The following EYA4 variants were observed in gnomAD, a reference collection of about 807,000 sequenced individuals.
EYA4 encodes EYA transcriptional coactivator and phosphatase 4.
EYA4 carries 31 observed loss-of-function variants against 87.9 expected under a neutral mutation model. That is an observed-to-expected ratio of 0.35 (90% confidence interval 0.27 to 0.48). EYA4 has a LOEUF of 0.48. EYA4 is among the 20% of genes least tolerant of loss of function. The probability of loss-of-function intolerance (pLI) is 0.99; values close to 1 mark genes in which losing one functional copy is unlikely to be tolerated. For missense variants in EYA4, 678 were observed against 761.4 expected (o/e 0.89, Z 1.29); for synonymous variants, 263 against 270.6 (o/e 0.97, Z 0.28).
intron 3 of EYA4, among the ~76,000 whole-genome samples, chr6:133,419,006 C>T (rs1201740507): frequency 6.6e-6 from 1 of 152,144 alleles, no homozygotes; most frequent in African/African-American, 2.4e-5. Flanking sequence ...AATATCCACT[C>T]ATAGGACATA....
At chr6:133,319,722 C>CTTTT (rs58829338) in intron 2 of EYA4, among the ~76,000 whole-genome samples, 1 of 143,310 alleles carries the variant, frequency 7.0e-6, no homozygotes, top group South Asian at 2.2e-4. Flanking sequence ...TTCTTTTCTT[C>CTTTT]TTTTTTTTTT....
chr6:133,339,736 G>A (rs1371304131), intron 2 of EYA4, among the ~76,000 whole-genome samples: 1 of 152,162 alleles, frequency 6.6e-6, no homozygotes, highest in Non-Finnish European at 1.5e-5. Flanking sequence ...TGTATTTAGA[G>A]AGGGACTATT....
intron 2 of EYA4, among the ~76,000 whole-genome samples, chr6:133,355,904 T>G (rs576936130): frequency 9.9e-5 from 15 of 152,224 alleles, no homozygotes; most frequent in Non-Finnish European, 1.6e-4. Context: ...TACCATAGAC[T>G]GGGTAGCTTA....
chr6:133,241,040 G>A (rs1218921978), upstream of EYA4, among the ~76,000 whole-genome samples: 1 of 152,004 alleles, frequency 6.6e-6, no homozygotes, highest in Non-Finnish European at 1.5e-5. Context: ...GGCCCGGGTG[G>A]GGGCGGGGTG....
rs185087175 is a variant in EYA4, at chr6:133,337,863, C to T, written c.34-44529C>T. ...CTGAGACTCAGACCACACACATTTA[C>T]GCTGCCGATGTCAGCACAGCATGTA... On this transcript the variant is annotated intron_variant, in intron 2 of 19. Coordinates refer to ENST00000355286, the MANE Select transcript of EYA4 (RefSeq NM_004100.5). Among the ~76,000 whole-genome samples the T allele has an allele frequency of 1.4e-4, 21 of 152,308 alleles. 1 individual carries two copies. In the South Asian group the frequency reaches 1.9e-3, roughly 14 times the overall value.
intron 2 of EYA4, among the ~76,000 whole-genome samples, chr6:133,303,897 G>A (rs1275950616): frequency 8.3e-6 from 1 of 121,116 alleles, no homozygotes; most frequent in African/African-American, 2.6e-5. Context: ...TTTAATATGA[G>A]ATTATTAGCT....
chr6:133,381,543 G>A (rs1254991833), intron 2 of EYA4, among the ~76,000 whole-genome samples: 1 of 152,022 alleles, frequency 6.6e-6, no homozygotes, highest in African/African-American at 2.4e-5. Context: ...AAACTCCTTG[G>A]ATTCCATAGG....
intron 3 of EYA4, among the ~76,000 whole-genome samples, chr6:133,418,813 T>A (rs572073470): frequency 6.6e-6 from 1 of 151,868 alleles, no homozygotes; most frequent in Non-Finnish European, 1.5e-5. Flanking sequence ...GAATACTGTA[T>A]ATTTCTTTTT....
At chr6:133,253,195 G>A (rs767652131) in intron 1 of EYA4, among the ~76,000 whole-genome samples, 1 of 152,090 alleles carries the variant, frequency 6.6e-6, no homozygotes, top group Non-Finnish European at 1.5e-5. Flanking sequence ...GGCCGTTCTC[G>A]GGGAGTGTTG....
chr6:133,391,488 C>T (rs1787293338), intron 3 of EYA4, among the ~76,000 whole-genome samples: 1 of 152,060 alleles, frequency 6.6e-6, no homozygotes, highest in Admixed American at 6.5e-5. Context: ...CATCTCTGTC[C>T]CCTTTGCTTC....
chr6:133,383,881 G>A (rs1166759565), intron 3 of EYA4, among the ~76,000 whole-genome samples: 1 of 152,166 alleles, frequency 6.6e-6, no homozygotes, highest in African/African-American at 2.4e-5. Context: ...GCGAACAGAA[G>A]GGAAGACTGG....
intron 13 of EYA4, among the ~76,000 whole-genome samples, chr6:133,501,457 C>T (rs1798109305): frequency 6.6e-6 from 1 of 152,034 alleles, no homozygotes; most frequent in Admixed American, 6.6e-5. Context: ...AACCATTTTC[C>T]AGTTCCTCCT....
chr6:133,407,802 T>A (rs2128530368), intron 3 of EYA4, among the ~76,000 whole-genome samples: 1 of 152,330 alleles, frequency 6.6e-6, no homozygotes, highest in African/African-American at 2.4e-5. Flanking sequence ...GTATTTCTTA[T>A]TGAAACCAAC....
At chr6:133,465,737 G>A (rs1794784153) in intron 10 of EYA4, among the ~76,000 whole-genome samples, 2 of 152,106 alleles carry the variant, frequency 1.3e-5, no homozygotes, top group South Asian at 2.1e-4. Flanking sequence ...ATTCTAAAAT[G>A]TAAGTTACTG....
intron 5 of EYA4, among the ~76,000 whole-genome samples, chr6:133,454,964 G>A (rs574434267): frequency 2.6e-5 from 4 of 152,128 alleles, no homozygotes; most frequent in South Asian, 4.1e-4. Flanking sequence ...TAGCTCTACC[G>A]TCTCCTGCAC....
intron 2 of EYA4, among the ~76,000 whole-genome samples, chr6:133,291,603 G>A (rs1171983124): frequency 6.6e-6 from 1 of 152,164 alleles, no homozygotes; most frequent in East Asian, 1.9e-4. Flanking sequence ...AAGAAAGTAA[G>A]GCTGAAGATT....
intron 2 of EYA4, among the ~76,000 whole-genome samples, chr6:133,379,929 G>T (rs1024948797): frequency 2.0e-5 from 3 of 152,084 alleles, no homozygotes; most frequent in African/African-American, 7.2e-5. Context: ...CTGACCAAAG[G>T]TTAAATTCCA....
At position 133,294,365 on chromosome 6, in the gene EYA4, GTTT is replaced by G. The variant is rs1376166980; in HGVS notation, c.33+19558_33+19560del. Reference sequence around the variant, plus strand: ...TCTGTTTTTTTTTTGTTTTGTTTTTGTTTTTTTTGTTTTTTTTTTTAAGAGACA... The same window carrying G: ...TCTGTTTTTTTTTTGTTTTGTTTTTGTTTTTGTTTTTTTTTTTAAGAGACA... On this transcript the variant is annotated intron_variant, in intron 2 of 19. Transcript: ENST00000355286. 3.5e-5 allele frequency among the ~76,000 whole-genome samples: 5 copies of G among 142,364 alleles called. No homozygotes were observed. In the East Asian group the frequency reaches 8.3e-4, roughly 24 times the overall value. The allele number at this position is 142,364 out of a possible 152,430, so 93.4% of individuals were successfully genotyped here.
chr6:133,489,441 A>G (rs962876266), intron 13 of EYA4, among the ~76,000 whole-genome samples: 1 of 152,140 alleles, frequency 6.6e-6, no homozygotes, highest in East Asian at 1.9e-4. Context: ...AAAAAAGACT[A>G]TCTCAAAGCA....
Sources: allele counts gnomAD v4.1 joint callset (sites outside exome capture counted in the v4.1 genomes callset), GRCh38; gene constraint gnomAD v4.1.1; transcripts MANE v1.5; gene names NCBI Gene and HGNC (gene_info 2026-07-23, HGNC 2026-07-21).